KIRREL3: variants seen among roughly 807,000 people sequenced by gnomAD.
The protein encoded by KIRREL3 is kirre like nephrin family adhesion molecule 3.
Under a neutral mutation model 89.7 loss-of-function variants are expected in KIRREL3, and 36 were observed. That is an observed-to-expected ratio of 0.40 (90% CI 0.31 to 0.53). The LOEUF (loss-of-function observed/expected upper bound fraction) is 0.53, where lower values mean the gene tolerates loss of function less well. Among genes scored for constraint, KIRREL3 ranks in the 20% least tolerant of loss-of-function variants. The pLI is 0.49. For synonymous variants in KIRREL3, 445 were observed against 441.4 expected (o/e 1.01, Z -0.10); for missense variants, 864 against 1,056.6 (o/e 0.82, Z 2.53).
intron 1 of KIRREL3, among the ~76,000 whole-genome samples, chr11:126,725,896 G>T (rs1948361360): frequency 6.6e-6 from 1 of 152,306 alleles, no homozygotes; most frequent in Non-Finnish European, 1.5e-5. Flanking sequence ...TCAGGCAGTT[G>T]GTCTGTGTCA....
chr11:126,466,537 C>T (rs750403806), intron 5 of KIRREL3, among the ~76,000 whole-genome samples: 79 of 152,300 alleles, frequency 5.2e-4, no homozygotes, highest in Middle Eastern at 3.4e-3. Flanking sequence ...TGGAGGGGCA[C>T]GGGGGATCTG....
At position 126,736,984 on chromosome 11, in the gene KIRREL3, G is replaced by T. The variant is rs963357440; in HGVS notation, c.56-174072C>A. Among the ~76,000 whole-genome samples the T allele has an allele frequency of 2.0e-5, 3 of 152,212 alleles. No individual in the cohort carries two copies. The highest frequency in any genetic ancestry group is 6.5e-5 in the Admixed American group (1 of 15,278). On this transcript the variant is annotated intron_variant, in intron 1 of 16. Transcript: ENST00000525144. The surrounding 1 kb of genome is among the most constrained non-coding windows in gnomAD (Gnocchi z 5.0). ...ACATCAGAAAACTTTATTCTCAGGGGCAGTGCCCTTATTTAGATTTCAGGG... is the reference window on the plus strand; with the variant it reads ...ACATCAGAAAACTTTATTCTCAGGGTCAGTGCCCTTATTTAGATTTCAGGG...
At chr11:126,786,343 T>C (rs537859426) in intron 1 of KIRREL3, among the ~76,000 whole-genome samples, 1 of 152,236 alleles carries the variant, frequency 6.6e-6, no homozygotes, top group East Asian at 1.9e-4. Flanking sequence ...GGGATTTGAG[T>C]TGATTCTTTT....
At chr11:126,442,310 CAAA>C (rs1955603529) in intron 10 of KIRREL3, among the ~76,000 whole-genome samples, 2 of 48,776 alleles carry the variant, frequency 4.1e-5, no homozygotes, top group Non-Finnish European at 8.1e-5. Context: ...CACAGACACA[CAAA>C]ACACACACAC....
chr11:126,751,533 T>C (rs563252527), intron 1 of KIRREL3, among the ~76,000 whole-genome samples: 2 of 152,312 alleles, frequency 1.3e-5, no homozygotes, highest in South Asian at 4.1e-4. Flanking sequence ...CATCCAGCCA[T>C]TTGTTAAGAG....
intron 1 of KIRREL3, among the ~76,000 whole-genome samples, chr11:126,855,286 T>A (rs1319224437): frequency 6.6e-6 from 1 of 152,212 alleles, no homozygotes; most frequent in Admixed American, 6.5e-5. Flanking sequence ...CGATAGTAAG[T>A]GAGTTCTCAG....
chr11:126,471,618 C>A lies in KIRREL3; in HGVS notation c.591+1691G>T, dbSNP rs914577584. ...GGATAGCTTGAATAATTTCCCTGGG[C>A]CCTGAGCTGTAGGGGTGGTCTGATG... On this transcript the variant is annotated intron_variant, in intron 5 of 16. Coordinates refer to ENST00000525144, the MANE Select transcript of KIRREL3 (RefSeq NM_032531.4). This position sits in a 1 kb window ranked among gnomAD's most constrained non-coding sequence, Gnocchi z 5.4. Among the ~76,000 whole-genome samples, 26 of 151,956 alleles carry A rather than the reference C, an allele frequency of 1.7e-4. No homozygotes were observed. Among genetic ancestry groups the A allele is most frequent in the Middle Eastern group, 3.4e-3 (1 of 294 alleles).
intron 6 of KIRREL3, among the ~76,000 whole-genome samples, chr11:126,457,218 T>A (rs1003130578): frequency 6.6e-6 from 1 of 150,668 alleles, no homozygotes; most frequent in Non-Finnish European, 1.5e-5. Context: ...TGTATGTGTA[T>A]GTGTGTGTAT....
intron 5 of KIRREL3, among the ~76,000 whole-genome samples, chr11:126,472,371 G>A (rs1956918886): frequency 6.6e-6 from 1 of 152,178 alleles, no homozygotes; most frequent in African/African-American, 2.4e-5. Flanking sequence ...TTGAGGGACA[G>A]ACACCTGGTT....
In KIRREL3 at chr11:126,924,095, C is replaced by T. The variant is rs1274245866; in HGVS notation, c.55+76360G>A. Among the ~76,000 whole-genome samples the T allele has an allele frequency of 6.6e-6, 1 of 152,188 alleles. No individual in the cohort carries two copies. Among genetic ancestry groups the T allele is most frequent in the Non-Finnish European group, 1.5e-5 (1 of 68,032 alleles). ...ATTGTTCATCTCTCTATTCCCAGTA[C>T]TCGTCATAGCGCCTTGTAGACACTT... On this transcript the variant is annotated intron_variant, in intron 1 of 16. Coordinates refer to ENST00000525144, the MANE Select transcript of KIRREL3 (RefSeq NM_032531.4). The surrounding 1 kb of genome is among the most constrained non-coding windows in gnomAD (Gnocchi z 4.7).
intron 2 of KIRREL3, among the ~76,000 whole-genome samples, chr11:126,543,071 G>A (rs985494321): frequency 2.0e-5 from 3 of 152,056 alleles, no homozygotes; most frequent in Admixed American, 2.0e-4. Flanking sequence ...GATGTCCCCC[G>A]TGAATATACC....
intron 4 of KIRREL3, among the ~76,000 whole-genome samples, chr11:126,478,690 T>C (rs1171838792): frequency 6.6e-6 from 1 of 152,138 alleles, no homozygotes; most frequent in African/African-American, 2.4e-5. Flanking sequence ...TATGTGCATG[T>C]AGATGTACAT....
At position 126,857,789 on chromosome 11, in the gene KIRREL3, G is replaced by GGCGC. The variant is rs1555062436; in HGVS notation, c.55+142665_55+142666insGCGC. 1.3e-3 allele frequency among the ~76,000 whole-genome samples: 79 copies of GGCGC among 61,178 alleles called. 1 individual carries two copies. The highest frequency in any genetic ancestry group is 1.7e-3 in the Non-Finnish European group (49 of 29,286). 40.1% of individuals were successfully genotyped at this position (61,178 alleles called of 152,430 possible). ...AGAAAAGTCTTCAGGCTGTGGGGGTGGGGTGGGTGAGGCTGGGCCCTCTAG... is the reference window on the plus strand; with the variant it reads ...AGAAAAGTCTTCAGGCTGTGGGGGTGGCGCGGGTGGGTGAGGCTGGGCCCTCTAG... On this transcript the variant is annotated intron_variant, in intron 1 of 16. Coordinates refer to ENST00000525144, the MANE Select transcript of KIRREL3 (RefSeq NM_032531.4).
rs550557704 is a variant in KIRREL3 at position 126,797,340 on chromosome 11, A to C, written c.55+203115T>G. ...CTGTGTTGAGCATCAAATGCATCTG[A>C]TTCTCAGCGTAATATCTGGCACAGA... On this transcript the variant is annotated intron_variant, in intron 1 of 16. Transcript: ENST00000525144. The surrounding 1 kb of genome is among the most constrained non-coding windows in gnomAD (Gnocchi z 4.9). Among the ~76,000 whole-genome samples the C allele has an allele frequency of 1.3e-5, 2 of 152,236 alleles. No individual in the cohort carries two copies. Among genetic ancestry groups the C allele is most frequent in the Non-Finnish European group, 2.9e-5 (2 of 68,044 alleles).
chr11:126,547,407 C>G (rs1285734447), intron 2 of KIRREL3, among the ~76,000 whole-genome samples: 1 of 152,226 alleles, frequency 6.6e-6, no homozygotes, highest in Non-Finnish European at 1.5e-5. Context: ...AAGGCTGCAT[C>G]TGACGGAAAA....
rs936460817 is a variant in KIRREL3, at chr11:126,709,691, G to A, written c.56-146779C>T. Among the ~76,000 whole-genome samples, 1 of 152,156 alleles carries A rather than the reference G, an allele frequency of 6.6e-6. No homozygotes were observed. Among genetic ancestry groups the A allele is most frequent in the African/African-American group, 2.4e-5 (1 of 41,430 alleles). On this transcript the variant is annotated intron_variant, in intron 1 of 16. Transcript: ENST00000525144. The surrounding 1 kb of genome is among the most constrained non-coding windows in gnomAD (Gnocchi z 4.0). ...GGGAAGGCAGACATCTATAAGCCAA[G>A]GGGAGGCCTCGGGAGAAACCAACCC...
At position 126,526,057 on chromosome 11, in the gene KIRREL3, CATG is replaced by C. The variant is rs1164139558; in HGVS notation, c.283+478_283+480del. ...TACTTCCTGTCTTTTCTTCCCATCT[CATG>C]ATGGCTCCTAAGATCAACTAGGTGT... On this transcript the variant is annotated intron_variant, in intron 3 of 16. Transcript: ENST00000525144. This position sits in a 1 kb window ranked among gnomAD's most constrained non-coding sequence, Gnocchi z 5.7. 1.3e-5 allele frequency among the ~76,000 whole-genome samples: 2 copies of C among 152,220 alleles called. No homozygotes were observed. The highest frequency in any genetic ancestry group is 4.8e-5 in the African/African-American group (2 of 41,464).
At chr11:126,927,426 C>T (rs563935700) in intron 1 of KIRREL3, among the ~76,000 whole-genome samples, 2 of 152,302 alleles carry the variant, frequency 1.3e-5, no homozygotes, top group East Asian at 3.9e-4. Context: ...CTTTGCAATG[C>T]TAGGAGTTAA....
intron 1 of KIRREL3, among the ~76,000 whole-genome samples, chr11:126,875,863 T>C (rs1474730102): frequency 1.3e-5 from 2 of 152,200 alleles, no homozygotes; most frequent in African/African-American, 4.8e-5. Flanking sequence ...GAAAACATAA[T>C]AACACAGTGT....
Sources: allele counts gnomAD v4.1 joint callset (sites outside exome capture counted in the v4.1 genomes callset), GRCh38; gene constraint gnomAD v4.1.1; non-coding constraint Gnocchi (gnomAD v3.1); transcripts MANE v1.5; gene names NCBI Gene and HGNC (gene_info 2026-07-23, HGNC 2026-07-21).